Variants in PLEKHA6 observed in about 807,000 individuals in gnomAD.
PLEKHA6 encodes pleckstrin homology domain containing A6.
PLEKHA6 carries 60 observed loss-of-function variants against 116.7 expected under a neutral mutation model. The observed-to-expected ratio is 0.51, with a 90% CI of 0.42 to 0.64. PLEKHA6 has a LOEUF of 0.64. Ranked by LOEUF, PLEKHA6 falls within the 30% of genes least tolerant of loss-of-function variation. The pLI, the probability that PLEKHA6 is intolerant of heterozygous loss-of-function variation, is 0.00. For synonymous variants in PLEKHA6, 489 were observed against 556.1 expected (o/e 0.88, Z 1.70); for missense variants, 1,338 against 1,422.7 (o/e 0.94, Z 0.96).
In PLEKHA6 at chr1:204,370,093, C is replaced by A. The variant is rs567560509; in HGVS notation, c.160+1437G>T. The stretch of plus-strand genomic sequence containing the variant: ...AATAGAACCAAGATTGAGCTCAGAT[C>A]TCTCTGCCTCCAAAATGTATGCCTT... On this transcript the variant is annotated intron_variant, in intron 2 of 4. Coordinates refer to the PLEKHA6 transcript ENST00000564627. Among the ~76,000 whole-genome samples, 346 of 152,360 alleles carry A rather than the reference C, an allele frequency of 2.3e-3. 1 individual carries two copies. The highest frequency in any genetic ancestry group is 7.9e-3 in the African/African-American group (330 of 41,582).
intron 9 of PLEKHA6, among the ~76,000 whole-genome samples, chr1:204,253,831 C>G (rs1664885809): frequency 2.1e-5 from 1 of 48,614 alleles, no homozygotes; most frequent in Non-Finnish European, 4.2e-5. Context: ...GAGATCTTGT[C>G]TCAAAAAAAA....
intron 1 of PLEKHA6, among the ~76,000 whole-genome samples, chr1:204,325,260 A>C (rs1406615477): frequency 1.3e-5 from 2 of 152,182 alleles, no homozygotes; most frequent in East Asian, 3.9e-4. Flanking sequence ...GCCCATAGAA[A>C]ACGAATGCCA....
chr1:204,321,855 A>G (rs1672074654), intron 1 of PLEKHA6, among the ~76,000 whole-genome samples: 1 of 152,198 alleles, frequency 6.6e-6, no homozygotes, highest in South Asian at 2.1e-4. Context: ...GGCTGGCCCC[A>G]GTGCTTAAGG....
intron 1 of PLEKHA6, among the ~76,000 whole-genome samples, chr1:204,288,802 A>G (rs1007070184): frequency 1.3e-5 from 2 of 152,174 alleles, no homozygotes; most frequent in Admixed American, 1.3e-4. Flanking sequence ...GGAGAGCAGC[A>G]CTAGGAATTG....
intron 3 of PLEKHA6, among the ~76,000 whole-genome samples, chr1:204,365,962 T>C (rs1005980371): frequency 7.3e-5 from 11 of 151,660 alleles, no homozygotes; most frequent in African/African-American, 2.7e-4. Flanking sequence ...CGGAACCAGG[T>C]GTGTGGAAAT....
At chr1:204,319,240 A>G (rs979907789) in intron 1 of PLEKHA6, among the ~76,000 whole-genome samples, 1 of 152,106 alleles carries the variant, frequency 6.6e-6, no homozygotes, top group Non-Finnish European at 1.5e-5. Context: ...ATTTCATAAC[A>G]CTGGGAGCAG....
At chr1:204,276,054 G>A (rs1434618456) in intron 1 of PLEKHA6, among the ~76,000 whole-genome samples, 1 of 152,172 alleles carries the variant, frequency 6.6e-6, no homozygotes, top group Non-Finnish European at 1.5e-5. Flanking sequence ...ACCTTTTGGG[G>A]GCCCCCTTTC....
chr1:204,274,995 G>T, intron 1 of PLEKHA6, 186 bp from the exon 2 acceptor site: 2 of 751,976 alleles, frequency 2.7e-6, no homozygotes, highest in Admixed American at 6.3e-5. Context: ...GCGGGGTGGG[G>T]GAAGGAAGAG....
At chr1:204,346,966 T>C (rs893224629) in intron 1 of PLEKHA6, 5 of 1,224,480 alleles carry the variant, frequency 4.1e-6, no homozygotes, top group Non-Finnish European at 6.0e-6. Context: ...GCTCTTAGAG[T>C]GCTTAATGTG....
At chr1:204,242,687 G>A (rs772142414) in intron 15 of PLEKHA6, among the ~76,000 whole-genome samples, 2 of 152,164 alleles carry the variant, frequency 1.3e-5, no homozygotes, top group Non-Finnish European at 2.9e-5. Flanking sequence ...GAAACCCAAC[G>A]AGGATACAAC....
At chr1:204,341,919 G>T (rs1225038546) in intron 1 of PLEKHA6, among the ~76,000 whole-genome samples, 1 of 152,210 alleles carries the variant, frequency 6.6e-6, no homozygotes, top group Non-Finnish European at 1.5e-5. Flanking sequence ...GGGTGCAGTG[G>T]CTCATGCTTG....
At chr1:204,281,754 G>T (rs192649213) in intron 1 of PLEKHA6, among the ~76,000 whole-genome samples, 2 of 152,182 alleles carry the variant, frequency 1.3e-5, no homozygotes, top group African/African-American at 2.4e-5. Flanking sequence ...TGATGCCACA[G>T]TTATTTCCAA....
upstream of PLEKHA6, among the ~76,000 whole-genome samples, chr1:204,364,078 A>G (rs1673609514): frequency 6.6e-6 from 1 of 152,194 alleles, no homozygotes; most frequent in African/African-American, 2.4e-5. Context: ...TCCTGGGCAA[A>G]TGTCAATATT....
intron 1 of PLEKHA6, among the ~76,000 whole-genome samples, chr1:204,332,048 T>A (rs999296805): frequency 3.3e-5 from 5 of 152,108 alleles, no homozygotes; most frequent in African/African-American, 4.8e-5. Context: ...GAGAGACAAG[T>A]GGACTAATCC....
intron 1 of PLEKHA6, among the ~76,000 whole-genome samples, chr1:204,298,953 G>A (rs1670552023): frequency 6.6e-6 from 1 of 152,230 alleles, no homozygotes; most frequent in African/African-American, 2.4e-5. Flanking sequence ...TCTCTGCAAT[G>A]AGAGAAGTGA....
chr1:204,347,102 G>A (rs1459510873), intron 1 of PLEKHA6: 5 of 1,249,150 alleles, frequency 4.0e-6, no homozygotes, highest in African/African-American at 1.5e-5. Flanking sequence ...CGCGTGTGGG[G>A]CATTCCTTTT....
At chr1:204,249,005 T>C (rs769919687) in intron 11 of PLEKHA6, 35 bp from the exon 12 acceptor site, 2 of 1,608,102 alleles carry the variant, frequency 1.2e-6, no homozygotes, top group Non-Finnish European at 1.7e-6. Flanking sequence ...TGAGCAGCCC[T>C]GACAGCTCCT....
intron 9 of PLEKHA6, among the ~76,000 whole-genome samples, chr1:204,256,076 G>A (rs921316453): frequency 6.6e-6 from 1 of 152,220 alleles, no homozygotes; most frequent in Non-Finnish European, 1.5e-5. Flanking sequence ...GTGGACACTG[G>A]CAGAGTGAGA....
intron 1 of PLEKHA6, among the ~76,000 whole-genome samples, chr1:204,321,075 G>A (rs1051425161): frequency 6.6e-6 from 1 of 152,020 alleles, no homozygotes; most frequent in Non-Finnish European, 1.5e-5. Context: ...CTGTTGTTTC[G>A]GGTCAGAATA....
Sources: allele counts gnomAD v4.1 joint callset (sites outside exome capture counted in the v4.1 genomes callset), GRCh38; gene constraint gnomAD v4.1.1; transcripts MANE v1.5; gene names NCBI Gene and HGNC (gene_info 2026-07-23, HGNC 2026-07-21).